RBFOX1: variants seen among roughly 807,000 people sequenced by gnomAD.
RBFOX1 encodes the protein RNA binding fox-1 homolog 1.
A neutral mutation model predicts 57.7 loss-of-function variants in RBFOX1; 8 were observed. The observed-to-expected ratio is 0.14, with a 90% CI of 0.08 to 0.25. The LOEUF (loss-of-function observed/expected upper bound fraction) is 0.25, where lower values mean the gene tolerates loss of function less well. RBFOX1 is among the 10% of genes least tolerant of loss of function. RBFOX1 has a pLI of 1.00. For missense variants in RBFOX1, 611 were observed against 548.5 expected (o/e 1.11, Z -1.14); for synonymous variants, 326 against 222.4 (o/e 1.47, Z -4.15).
chr16:7,177,586 C>G (rs957010938), intron 4 of RBFOX1, among the ~76,000 whole-genome samples: 2 of 152,064 alleles, frequency 1.3e-5, no homozygotes, highest in East Asian at 3.9e-4. Flanking sequence ...CAGGCACTAC[C>G]TTTGTAGAAC....
At chr16:6,957,100 AT>A (rs200790050) in intron 3 of RBFOX1, among the ~76,000 whole-genome samples, 19 of 142,090 alleles carry the variant, frequency 1.3e-4, no homozygotes, top group Middle Eastern at 3.7e-3. Context: ...TATTTATTTT[AT>A]TTTTTTATTT....
chr16:7,392,466 A>G (rs2148489388), intron 4 of RBFOX1, among the ~76,000 whole-genome samples: 1 of 152,340 alleles, frequency 6.6e-6, no homozygotes, highest in African/African-American at 2.4e-5. Flanking sequence ...ATAAAATTGT[A>G]AAACCCAGGC....
At chr16:7,303,927 A>G (rs2096100021) in intron 4 of RBFOX1, among the ~76,000 whole-genome samples, 1 of 146,418 alleles carries the variant, frequency 6.8e-6, no homozygotes, top group African/African-American at 2.5e-5. Context: ...TGCCCCTTCC[A>G]GAGAAGTTCC....
At chr16:7,479,593 C>T (rs1055893422) in intron 4 of RBFOX1, among the ~76,000 whole-genome samples, 1 of 152,126 alleles carries the variant, frequency 6.6e-6, no homozygotes, top group African/African-American at 2.4e-5. Flanking sequence ...AAGCATGAAA[C>T]AGGTACTGTG....
At chr16:6,070,407 C>A (rs59357394) in intron 1 of RBFOX1, among the ~76,000 whole-genome samples, 15,789 of 152,210 alleles carry the variant, frequency 0.1, 1,165 homozygotes, top group East Asian at 0.27. Flanking sequence ...TTTGCAAACA[C>A]AGCTGAATGT....
chr16:7,036,475 C>A (rs778072006), intron 3 of RBFOX1, among the ~76,000 whole-genome samples: 1 of 151,926 alleles, frequency 6.6e-6, no homozygotes, highest in Non-Finnish European at 1.5e-5. Flanking sequence ...CTTTGGGAGG[C>A]TGAGGCAGGC....
rs142709685 is a variant in RBFOX1, at chr16:6,169,963, T to A, written c.-126-147032T>A. On this transcript the variant is annotated intron_variant, in intron 1 of 15. Coordinates refer to ENST00000550418, the MANE Select transcript of RBFOX1 (RefSeq NM_018723.4). ...TATTTTTTTTTAGTAGATAGGGTGT[T>A]TTACCATGTTGGCCAGGCTGGTCTC... is the stretch of plus-strand genomic sequence containing the variant. Among the ~76,000 whole-genome samples the A allele has an allele frequency of 1.7e-4, 26 of 152,124 alleles. No individual in the cohort carries two copies. In the East Asian group the frequency reaches 4.5e-3, roughly 26 times the overall value.
intron 1 of RBFOX1, among the ~76,000 whole-genome samples, chr16:6,270,430 C>G (rs572623041): frequency 5.1e-4 from 73 of 143,796 alleles, no homozygotes; most frequent in Non-Finnish European, 9.0e-4. Flanking sequence ...GTAGGAGTAG[C>G]TATATTATCA....
intron 3 of RBFOX1, among the ~76,000 whole-genome samples, chr16:6,973,677 G>T (rs993447520): frequency 1.3e-4 from 20 of 152,004 alleles, no homozygotes; most frequent in African/African-American, 3.9e-4. Context: ...AACCCATTTG[G>T]GATTTTTCGA....
At chr16:7,240,591 G>C (rs1166783879) in intron 4 of RBFOX1, among the ~76,000 whole-genome samples, 1 of 152,092 alleles carries the variant, frequency 6.6e-6, no homozygotes, top group Admixed American at 6.6e-5. Context: ...GTCTCACTTT[G>C]TCACCCAGGC....
intron 3 of RBFOX1, among the ~76,000 whole-genome samples, chr16:7,036,437 G>C (rs529722342): frequency 4.6e-5 from 7 of 152,060 alleles, no homozygotes. Context: ...GCGGCCGGGC[G>C]TGGTGGCTCA....
At chr16:7,683,198 TAG>T (rs1253499771) in intron 14 of RBFOX1, among the ~76,000 whole-genome samples, 1 of 148,390 alleles carries the variant, frequency 6.7e-6, no homozygotes, top group Non-Finnish European at 1.5e-5. Flanking sequence ...CTTTTGATAG[TAG>T]AGTCACCGTA....
chr16:6,329,801 A>G (rs931540632), intron 2 of RBFOX1, among the ~76,000 whole-genome samples: 3 of 152,088 alleles, frequency 2.0e-5, no homozygotes, highest in Non-Finnish European at 4.4e-5. Flanking sequence ...AAGTGGGAAT[A>G]GTGTCACACA....
intron 3 of RBFOX1, among the ~76,000 whole-genome samples, chr16:6,817,241 A>G (rs1000656806): frequency 6.6e-6 from 1 of 152,142 alleles, no homozygotes; most frequent in Non-Finnish European, 1.5e-5. Context: ...TTAAAGTGGA[A>G]TCAGACACCC....
chr16:7,703,646 A>C (rs2148304997), intron 14 of RBFOX1, among the ~76,000 whole-genome samples: 1 of 152,328 alleles, frequency 6.6e-6, no homozygotes, highest in South Asian at 2.1e-4. Flanking sequence ...ATTAGCATCC[A>C]GCTTGTTTCA....
chr16:5,487,632 T>G (rs1005538197), intron 2 of RBFOX1, among the ~76,000 whole-genome samples: 7 of 152,204 alleles, frequency 4.6e-5, no homozygotes, highest in African/African-American at 1.7e-4. Context: ...TTAATGTACT[T>G]GAGACCACAG....
intron 4 of RBFOX1, among the ~76,000 whole-genome samples, chr16:7,468,801 C>T (rs2061003693): frequency 6.6e-6 from 1 of 152,146 alleles, no homozygotes; most frequent in Non-Finnish European, 1.5e-5. Context: ...CAAGAGCAAA[C>T]TCTTTCTTTT....
intron 3 of RBFOX1, among the ~76,000 whole-genome samples, chr16:5,624,120 A>G (rs1019280742): frequency 6.6e-6 from 1 of 152,240 alleles, no homozygotes; most frequent in Non-Finnish European, 1.5e-5. Context: ...GCAAAGGAGA[A>G]CATTTTAGGT....
chr16:5,728,079 C>T (rs2052220968), intron 3 of RBFOX1, among the ~76,000 whole-genome samples: 1 of 152,238 alleles, frequency 6.6e-6, no homozygotes, highest in African/African-American at 2.4e-5. Flanking sequence ...GCTTATTTCA[C>T]TTGATCCAGC....
Sources: gnomAD v4.1 joint callset for allele counts (sites outside exome capture counted in the v4.1 genomes callset) on GRCh38, gnomAD v4.1.1 for gene constraint, MANE v1.5 for transcripts, NCBI Gene and HGNC (gene_info 2026-07-23, HGNC 2026-07-21) for gene names.